UBE2J1: variants seen among roughly 807,000 people sequenced by gnomAD.
UBE2J1 encodes ubiquitin conjugating enzyme E2 J1.
A neutral mutation model predicts 42.1 loss-of-function variants in UBE2J1; 17 were observed. The observed-to-expected ratio is 0.40, with a 90% CI of 0.28 to 0.61. The LOEUF is 0.61. UBE2J1 is among the 20% of genes least tolerant of loss of function. The pLI is 0.38. For synonymous variants in UBE2J1, 127 were observed against 137.2 expected, an observed-to-expected ratio of 0.93 and a Z score of 0.52; for missense variants, 291 against 389.4, an observed-to-expected ratio of 0.75 and a Z score of 2.13.
At chr6:89,330,095 A>G (rs1452539762) in intron 7 of UBE2J1, 138 bp from the exon 8 acceptor site, 4 of 869,812 alleles carry the variant, frequency 4.6e-6, no homozygotes, top group Non-Finnish European at 7.0e-6. Flanking sequence ...TGTTACTAAT[A>G]ATACATCCCT....
intron 6 of UBE2J1, among the ~76,000 whole-genome samples, chr6:89,334,971 T>C (rs1562413286): frequency 6.6e-6 from 1 of 152,194 alleles, no homozygotes; most frequent in Non-Finnish European, 1.5e-5. Context: ...ATCATACTAC[T>C]AATAAGCAAC....
chr6:89,334,196 G>T (rs1768065566), intron 6 of UBE2J1, among the ~76,000 whole-genome samples: 1 of 151,756 alleles, frequency 6.6e-6, no homozygotes, highest in South Asian at 2.1e-4. Flanking sequence ...GTAGAGACAG[G>T]GTTTCACCGT....
At chr6:89,344,453 C>T (rs1048225410) in intron 1 of UBE2J1, among the ~76,000 whole-genome samples, 9 of 152,322 alleles carry the variant, frequency 5.9e-5, no homozygotes, top group South Asian at 4.1e-4. Context: ...CCCTCCTATA[C>T]TTATATTCAT....
At chr6:89,352,191 G>A (rs975126623) in intron 1 of UBE2J1, among the ~76,000 whole-genome samples, 1 of 152,186 alleles carries the variant, frequency 6.6e-6, no homozygotes, top group African/African-American at 2.4e-5. Context: ...AGGGAATAGC[G>A]ACCAGGTACA....
At chr6:89,336,499 A>ATT (rs1405521251) in intron 5 of UBE2J1, among the ~76,000 whole-genome samples, 1 of 144,666 alleles carries the variant, frequency 6.9e-6, no homozygotes, top group African/African-American at 2.6e-5. Context: ...TCATTTTATT[A>ATT]TTATTTTTTT....
chr6:89,342,437 G>A lies in UBE2J1; in HGVS notation c.124C>T (p.His42Tyr). 1 of 1,608,672 alleles carries A rather than the reference G, an allele frequency of 6.2e-7. No individual in the cohort carries two copies. Residue 42 changes from histidine to tyrosine, a missense_variant, in exon 3 of 8, where the codon CAC becomes TAC. Physicochemically the swap from His to Tyr is moderately conservative, Grantham distance 83. This residue lies in a region of UBE2J1 where 115 missense variants were observed against 193.1 expected (regional missense o/e 0.60). Coordinates refer to ENST00000435041, the MANE Select transcript of UBE2J1 (RefSeq NM_016021.3). Reference protein sequence around the residue: ...QPLEDNLFEWHFTVRGPPDSD... With the variant: ...QPLEDNLFEWYFTVRGPPDSD... ...TCTGGGGGCCCTCTAACCGTGAAGT[G>A]CCATTCAAAAAGGTTATCCTGAACA...
At chr6:89,333,799 T>C (rs977055738) in intron 6 of UBE2J1, among the ~76,000 whole-genome samples, 6 of 152,118 alleles carry the variant, frequency 3.9e-5, no homozygotes, top group African/African-American at 1.4e-4. Context: ...AAAGTAAACA[T>C]GTTCTGAGCA....
At chr6:89,349,516 A>T (rs141997251) in intron 1 of UBE2J1, among the ~76,000 whole-genome samples, 83 of 152,292 alleles carry the variant, frequency 5.5e-4, no homozygotes, top group African/African-American at 1.8e-3. Flanking sequence ...GAAATAAAAA[A>T]TGACTCCCAT....
At chr6:89,343,980 CACTATT>C (rs1383349712) in intron 1 of UBE2J1, among the ~76,000 whole-genome samples, 1 of 151,846 alleles carries the variant, frequency 6.6e-6, no homozygotes, top group Non-Finnish European at 1.5e-5. Context: ...ATAGTGAAGA[CACTATT>C]TTTATTTAAT....
intron 2 of UBE2J1, 130 bp from the exon 3 acceptor site, chr6:89,342,585 G>T: frequency 1.3e-6 from 1 of 782,502 alleles, no homozygotes; most frequent in Non-Finnish European, 1.9e-6. Context: ...AGTTTCTAAT[G>T]CATGAGATGT....
rs1767934598 is a variant in UBE2J1 at position 89,327,715 on chromosome 6, C to G, written c.*1964G>C. ...AGGATTGGCTTAAAGTATAGGTACA[C>G]CCCATGGAAACATGCAATAAGATCA... On this transcript the variant is annotated 3_prime_UTR_variant, in exon 8 of 8. Coordinates refer to ENST00000435041, the MANE Select transcript of UBE2J1 (RefSeq NM_016021.3). The G allele has an allele frequency of 6.6e-6, 1 of 152,176 alleles. No individual in the cohort carries two copies. The highest frequency in any genetic ancestry group is 6.5e-5 in the Admixed American group (1 of 15,274). 9.4% of individuals were successfully genotyped at this position (152,176 alleles called of 1,614,324 possible).
chr6:89,329,952 T>C lies in UBE2J1; in HGVS notation c.684A>G (p.Gly228=). ...AGGATGCTGCTGAGGAATTCTGGAG[T>C]CCGTACTAGGAAATTTTAAGAAACT... ...FQGATASTSY[G]LQNSSAASFH... is the part of the protein sequence containing the mutation. The change falls in exon 8 of 8, where the codon GGA becomes GGG. Residue 228 remains glycine, a synonymous_variant. Transcript: ENST00000435041. The C allele has an allele frequency of 6.2e-7, 1 of 1,613,756 alleles. No homozygotes were observed. Among genetic ancestry groups the C allele is most frequent in the Non-Finnish European group, 8.5e-7 (1 of 1,179,812 alleles).
At chr6:89,333,841 A>G (rs1233456721) in intron 6 of UBE2J1, among the ~76,000 whole-genome samples, 1 of 152,222 alleles carries the variant, frequency 6.6e-6, no homozygotes, top group Non-Finnish European at 1.5e-5. Flanking sequence ...ATAAAAGAGA[A>G]GGGAACTGGA....
chr6:89,345,906 TAAAA>T, intron 1 of UBE2J1, among the ~76,000 whole-genome samples: 1 of 133,068 alleles, frequency 7.5e-6, no homozygotes. Flanking sequence ...AAACTACGTC[TAAAA>T]AAAAAAAAAA....
At chr6:89,343,174 C>T (rs1768283079) in intron 2 of UBE2J1, among the ~76,000 whole-genome samples, 1 of 152,124 alleles carries the variant, frequency 6.6e-6, no homozygotes, top group African/African-American at 2.4e-5. Context: ...CAGTGGCTCA[C>T]GCCTGTAATC....
chr6:89,330,348 G>A (rs561840813), intron 7 of UBE2J1, among the ~76,000 whole-genome samples: 37 of 151,950 alleles, frequency 2.4e-4, no homozygotes, highest in Admixed American at 2.1e-3. Context: ...ATGGGATCTT[G>A]TTACATTGCC....
intron 1 of UBE2J1, among the ~76,000 whole-genome samples, chr6:89,351,882 C>T (rs1377885962): frequency 6.6e-6 from 1 of 152,112 alleles, no homozygotes; most frequent in Non-Finnish European, 1.5e-5. Flanking sequence ...AAAGCAGGAT[C>T]ATTAAATGCA....
intron 1 of UBE2J1, among the ~76,000 whole-genome samples, chr6:89,346,066 T>A (rs1190720591): frequency 1.3e-5 from 2 of 152,088 alleles, no homozygotes; most frequent in African/African-American, 4.8e-5. Context: ...AATTTTTAAA[T>A]TTTTTGTAGA....
At chr6:89,340,123 G>A (rs1768216053) in intron 3 of UBE2J1, among the ~76,000 whole-genome samples, 1 of 152,172 alleles carries the variant, frequency 6.6e-6, no homozygotes, top group African/African-American at 2.4e-5. Context: ...AAGACATGGG[G>A]AGAAAGGCTC....
Sources: gnomAD v4.1 joint callset for allele counts (sites outside exome capture counted in the v4.1 genomes callset) on GRCh38, gnomAD v4.1.1 for gene constraint, gnomAD v4.1.1 regional missense constraint, MANE v1.5 for transcripts, NCBI Gene and HGNC (gene_info 2026-07-23, HGNC 2026-07-21) for gene names.